Variants in ZNF385D observed in about 807,000 individuals in gnomAD.
The protein encoded by ZNF385D is zinc finger protein 659.
A neutral mutation model predicts 35.8 loss-of-function variants in ZNF385D; 15 were observed. That is an observed-to-expected ratio of 0.42 (90% CI 0.28 to 0.64). The LOEUF is 0.64. Among genes scored for constraint, ZNF385D ranks in the 30% least tolerant of loss-of-function variants. The probability of loss-of-function intolerance (pLI) is 0.23; values close to 1 mark genes in which losing one functional copy is unlikely to be tolerated. For missense variants in ZNF385D, 474 were observed against 494.6 expected (o/e 0.96, Z 0.39); for synonymous variants, 212 against 186.8 (o/e 1.13, Z -1.10).
chr3:22,005,219 T>C (rs114352498), intron 3 of ZNF385D, among the ~76,000 whole-genome samples: 1,864 of 151,716 alleles, frequency 0.012, 34 homozygotes, highest in African/African-American at 0.043. Flanking sequence ...AAATACAAAT[T>C]AAAACCACAA....
At chr3:21,780,930 T>G (rs1315187378) in intron 3 of ZNF385D, among the ~76,000 whole-genome samples, 2 of 152,076 alleles carry the variant, frequency 1.3e-5, no homozygotes, top group Non-Finnish European at 1.5e-5. Context: ...TGTGGGCAGG[T>G]GTCTTCATAA....
At chr3:21,969,062 TTAA>T (rs1703082097) in intron 3 of ZNF385D, among the ~76,000 whole-genome samples, 1 of 152,090 alleles carries the variant, frequency 6.6e-6, no homozygotes, top group Admixed American at 6.5e-5. Context: ...TGAGTGAACA[TTAA>T]TAACAGCCAG....
chr3:21,878,125 A>G (rs984152503), intron 3 of ZNF385D: 4 of 152,038 alleles, frequency 2.6e-5, no homozygotes, highest in South Asian at 2.1e-4. Context: ...GTTCAGTAAA[A>G]TATAGTAACT....
chr3:21,863,993 T>G (rs1697196441), intron 3 of ZNF385D, among the ~76,000 whole-genome samples: 1 of 152,156 alleles, frequency 6.6e-6, no homozygotes, highest in African/African-American at 2.4e-5. Flanking sequence ...CAGATGATAC[T>G]CATGATGCCG....
chr3:21,446,972 T>C (rs1702189918), intron 4 of ZNF385D, among the ~76,000 whole-genome samples: 1 of 152,198 alleles, frequency 6.6e-6, no homozygotes, highest in Non-Finnish European at 1.5e-5. Flanking sequence ...TTAGAGTTTG[T>C]ATATTTCTAG....
At chr3:22,341,681 A>AT (rs1204816077) in intron 2 of ZNF385D, among the ~76,000 whole-genome samples, 1 of 152,220 alleles carries the variant, frequency 6.6e-6, no homozygotes, top group Non-Finnish European at 1.5e-5. Flanking sequence ...GTTGATAGTC[A>AT]TATCTTTTGG....
At position 21,863,031 on chromosome 3, in the gene ZNF385D, C is replaced by G. The variant is rs764792382; in HGVS notation, c.326-198003G>C. On this transcript the variant is annotated intron_variant, in intron 3 of 5. Transcript: ENST00000494108. ...AAATATGTGAAAATATATGCAAATA[C>G]TATGCTTGTAAAGAGGGATAGATAT... Among the ~76,000 whole-genome samples the G allele has an allele frequency of 9.2e-5, 14 of 152,078 alleles. 1 individual carries two copies. The highest frequency in any genetic ancestry group is 1.6e-4 in the Non-Finnish European group (11 of 68,002).
intron 3 of ZNF385D, among the ~76,000 whole-genome samples, chr3:22,112,748 G>A (rs1197276380): frequency 6.6e-6 from 1 of 152,002 alleles, no homozygotes; most frequent in Non-Finnish European, 1.5e-5. Context: ...CTCAGGAAAG[G>A]CTAAAATCTT....
intron 1 of ZNF385D, among the ~76,000 whole-genome samples, chr3:21,709,447 G>A (rs1395476437): frequency 2.0e-5 from 3 of 152,030 alleles, no homozygotes; most frequent in East Asian, 1.9e-4. Context: ...AGAAGCAGGG[G>A]TTCTCTCAGG....
intron 2 of ZNF385D, among the ~76,000 whole-genome samples, chr3:22,267,027 A>T (rs1250374152): frequency 6.6e-6 from 1 of 151,992 alleles, no homozygotes; most frequent in Non-Finnish European, 1.5e-5. Flanking sequence ...AAAGTGAAAC[A>T]AAAGTAGATT....
intron 3 of ZNF385D, among the ~76,000 whole-genome samples, chr3:21,988,727 C>T (rs1428735235): frequency 6.6e-6 from 1 of 151,806 alleles, no homozygotes; most frequent in African/African-American, 2.4e-5. Flanking sequence ...GCTTTGTTTA[C>T]CTAAGCAAGC....
At chr3:22,131,113 G>A (rs80249987) in intron 3 of ZNF385D, among the ~76,000 whole-genome samples, 1 of 152,268 alleles carries the variant, frequency 6.6e-6, no homozygotes, top group Non-Finnish European at 1.5e-5. Flanking sequence ...TGGATAAAAT[G>A]TATAAGATAA....
rs562360878 is a variant in ZNF385D at position 21,719,598 on chromosome 3, G to A, written c.22+31297C>T. On this transcript the variant is annotated intron_variant, in intron 1 of 7. Coordinates refer to ENST00000281523, the MANE Select transcript of ZNF385D (RefSeq NM_024697.3). ...GATGCTAATGAGACATATGACGTAT[G>A]AACAAGCATGTATAGCTACTGCACT... Among the ~76,000 whole-genome samples, 11 of 152,266 alleles carry A rather than the reference G, an allele frequency of 7.2e-5. 1 individual carries two copies. The South Asian group carries it at 2.1e-3, about 29-fold the overall frequency.
At chr3:21,967,309 A>C (rs1023225551) in intron 3 of ZNF385D, among the ~76,000 whole-genome samples, 1 of 152,178 alleles carries the variant, frequency 6.6e-6, no homozygotes, top group African/African-American at 2.4e-5. Context: ...CCCAAAATTT[A>C]CTGTCTTATA....
intron 4 of ZNF385D, among the ~76,000 whole-genome samples, chr3:21,449,348 T>C (rs1702331166): frequency 6.6e-6 from 1 of 152,090 alleles, no homozygotes. Context: ...TTCTATTCCA[T>C]TTCACTCGTT....
chr3:21,496,433 CAT>C (rs560263090), intron 4 of ZNF385D, among the ~76,000 whole-genome samples: 6,604 of 134,912 alleles, frequency 0.049, 577 homozygotes, highest in African/African-American at 0.17. Context: ...ATCATATATA[CAT>C]ATATATACAC....
chr3:21,742,433 G>T (rs1204665648), intron 1 of ZNF385D, among the ~76,000 whole-genome samples: 1 of 152,212 alleles, frequency 6.6e-6, no homozygotes, highest in African/African-American at 2.4e-5. Context: ...TCAGGGGCAA[G>T]ATCTCTCTGC....
intron 2 of ZNF385D, among the ~76,000 whole-genome samples, chr3:22,341,233 C>A (rs1272280240): frequency 1.3e-5 from 2 of 152,078 alleles, no homozygotes; most frequent in African/African-American, 4.8e-5. Flanking sequence ...TATAATAATG[C>A]TTTTATCTGC....
intron 3 of ZNF385D, chr3:21,849,796 T>C (rs914836153): frequency 6.6e-6 from 1 of 151,942 alleles, no homozygotes; most frequent in African/African-American, 2.4e-5. Context: ...TTTTTGTTTT[T>C]TGCGGGGGAC....
Sources: allele counts gnomAD v4.1 joint callset (sites outside exome capture counted in the v4.1 genomes callset), GRCh38; gene constraint gnomAD v4.1.1; transcripts MANE v1.5; gene names NCBI Gene and HGNC (gene_info 2026-07-23, HGNC 2026-07-21).